The following ADAM9 variants were observed in gnomAD, a reference collection of about 807,000 sequenced individuals.
ADAM9 encodes ADAM metallopeptidase domain 9.
A neutral mutation model predicts 108.1 loss-of-function variants in ADAM9; 54 were observed. The ratio of observed to expected loss-of-function variants is 0.50; its 90% CI spans 0.40 to 0.63. The LOEUF (loss-of-function observed/expected upper bound fraction) is 0.63, where lower values mean the gene tolerates loss of function less well. Ranked by LOEUF, ADAM9 falls within the 20% of genes least tolerant of loss-of-function variation. ADAM9 has a pLI of 0.00. For synonymous variants in ADAM9, 316 were observed against 336.0 expected, an observed-to-expected ratio of 0.94 and a Z score of 0.65; for missense variants, 830 against 997.7, an observed-to-expected ratio of 0.83 and a Z score of 2.26.
At chr8:38,999,320 T>G (rs1367089964) in intron 1 of ADAM9, among the ~76,000 whole-genome samples, 1 of 115,228 alleles carries the variant, frequency 8.7e-6, no homozygotes, top group Non-Finnish European at 1.8e-5. Context: ...CAGCTAACTT[T>G]CAGTAAACTT....
rs535246542 is a variant in ADAM9 at position 39,006,633 on chromosome 8, T to C, written c.98-1253T>C. On this transcript the variant is annotated intron_variant, in intron 1 of 21. Transcript: ENST00000487273. ...AGAAAAAGAGGTTGTGTTGGACTTA[T>C]CGAGAGACTATGTATTGGACTCCCA... Among the ~76,000 whole-genome samples, 4 of 151,552 alleles carry C rather than the reference T, an allele frequency of 2.6e-5. No homozygotes were observed. The Admixed American group carries it at 2.6e-4, about 10-fold the overall frequency.
chr8:39,083,598 C>T (rs545532798), intron 18 of ADAM9, among the ~76,000 whole-genome samples: 9 of 152,176 alleles, frequency 5.9e-5, no homozygotes, highest in Non-Finnish European at 8.8e-5. Flanking sequence ...ATTGTTGGCC[C>T]TTGGCTAATT....
intron 4 of ADAM9, 151 bp downstream of exon 4, chr8:39,014,194 G>A (rs779347320): frequency 7.2e-6 from 5 of 694,642 alleles, no homozygotes; most frequent in Non-Finnish European, 1.3e-5. Context: ...GGAAAAGTGG[G>A]TGCATTTCTA....
At chr8:39,078,031 G>C (rs1056219873) in intron 16 of ADAM9, among the ~76,000 whole-genome samples, 6 of 152,122 alleles carry the variant, frequency 3.9e-5, no homozygotes, top group Admixed American at 6.6e-5. Flanking sequence ...GAGCAGGATT[G>C]TTGAGTAAGT....
At chr8:39,057,124 T>C (rs1020943283) in intron 14 of ADAM9, among the ~76,000 whole-genome samples, 1 of 152,116 alleles carries the variant, frequency 6.6e-6, no homozygotes, top group Non-Finnish European at 1.5e-5. Context: ...GTGTACAGAT[T>C]TGTAGCTTAG....
intron 20 of ADAM9, among the ~76,000 whole-genome samples, chr8:39,091,830 AG>A (rs1211721558): frequency 2.0e-5 from 3 of 152,298 alleles, no homozygotes; most frequent in Middle Eastern, 3.4e-3. Flanking sequence ...CTTGGCTCAG[AG>A]GACACAGAAA....
At chr8:39,042,247 T>A (rs1837477218) in intron 12 of ADAM9, 130 bp downstream of exon 12, 1 of 991,770 alleles carries the variant, frequency 1.0e-6, no homozygotes, top group African/African-American at 1.6e-5. Context: ...GATTGTTATT[T>A]TGTTTGTATG....
At chr8:38,999,757 C>T (rs1835938767) in intron 1 of ADAM9, among the ~76,000 whole-genome samples, 1 of 152,050 alleles carries the variant, frequency 6.6e-6, no homozygotes, top group Admixed American at 6.5e-5. Flanking sequence ...TTTAACTTAC[C>T]AAATTTATAT....
At chr8:39,033,469 A>AT (rs543717397) in intron 11 of ADAM9, among the ~76,000 whole-genome samples, 2,831 of 144,682 alleles carry the variant, frequency 0.02, 96 homozygotes, top group African/African-American at 0.066. Flanking sequence ...CCTTCCTCAC[A>AT]TTTTTTTTTT....
intron 11 of ADAM9, among the ~76,000 whole-genome samples, chr8:39,030,601 G>T (rs1445799138): frequency 6.6e-6 from 1 of 152,156 alleles, no homozygotes; most frequent in Non-Finnish European, 1.5e-5. Context: ...AGCTCCTTTG[G>T]GTGAATACCA....
intron 14 of ADAM9, 99 bp from the exon 15 acceptor site, chr8:39,071,199 G>T: frequency 9.2e-7 from 1 of 1,085,746 alleles, no homozygotes. Context: ...TATTGAGGCT[G>T]TTCATCCAGG....
intron 1 of ADAM9, among the ~76,000 whole-genome samples, chr8:39,001,572 A>C (rs1287647605): frequency 2.6e-5 from 4 of 152,242 alleles, no homozygotes; most frequent in African/African-American, 9.6e-5. Context: ...TTTCTTTTTA[A>C]ATGTAAAGAT....
rs886062923 is a variant in ADAM9, at chr8:39,017,314, A to C, written c.506A>C (p.Tyr169Ser). 6.2e-7 allele frequency: 1 copy of C among 1,614,170 alleles called. No homozygotes were observed. Among genetic ancestry groups the C allele is most frequent in the Non-Finnish European group, 8.5e-7 (1 of 1,180,028 alleles). ...EHIIYRMDDV[Y>S]KEPLKCGVSN... is the part of the protein sequence containing the mutation. ...ATCATTTATCGAATGGATGATGTCT[A>C]CAAAGAGCCTCTGAAATGTGGAGTT... Residue 169 changes from tyrosine to serine, a missense_variant, in exon 6 of 22, where the codon TAC (tyrosine) becomes TCC (serine). Coordinates refer to ENST00000487273, the MANE Select transcript of ADAM9 (RefSeq NM_003816.3).
In ADAM9 at chr8:39,026,724, A is replaced by C; in HGVS notation, c.1044A>C (p.Glu348Asp). 2 of 1,614,146 alleles carry C rather than the reference A, an allele frequency of 1.2e-6. No individual in the cohort carries two copies. The highest frequency in any genetic ancestry group is 1.7e-6 in the Non-Finnish European group (2 of 1,180,008). ...VETFASIVAHELGHNLGMNHD... is the reference protein window; with the variant it reads ...VETFASIVAHDLGHNLGMNHD... The stretch of plus-strand genomic sequence containing the variant: ...CATTTGCTTCCATTGTTGCTCATGA[A>C]TTGGGTCATAATCTTGGAATGAATC... The change falls in exon 11 of 22, where the codon GAA becomes GAC. Residue 348 changes from glutamate to aspartate, a missense_variant. Transcript: ENST00000487273.
intron 1 of ADAM9, among the ~76,000 whole-genome samples, chr8:39,007,189 G>A (rs1292781732): frequency 1.3e-5 from 2 of 152,302 alleles, no homozygotes; most frequent in Non-Finnish European, 2.9e-5. Context: ...GGAAGCAAGA[G>A]AGATGGGGGA....
intron 11 of ADAM9, among the ~76,000 whole-genome samples, chr8:39,029,880 T>TG (rs1837045013): frequency 6.6e-6 from 1 of 152,248 alleles, no homozygotes; most frequent in Non-Finnish European, 1.5e-5. Flanking sequence ...ATTAGGGTGA[T>TG]GCTGGGCTCA....
intron 7 of ADAM9, among the ~76,000 whole-genome samples, chr8:39,021,070 C>T (rs770840466): frequency 5.1e-4 from 77 of 152,178 alleles, no homozygotes; most frequent in Non-Finnish European, 1.0e-3. Flanking sequence ...GAAGATAATT[C>T]GTTTTAAAGT....
At chr8:39,063,534 C>T (rs1838360281) in intron 14 of ADAM9, among the ~76,000 whole-genome samples, 2 of 152,132 alleles carry the variant, frequency 1.3e-5, no homozygotes, top group East Asian at 1.9e-4. Context: ...CCAGCCTGGC[C>T]AACATGGCGA....
rs35778686 is a variant in ADAM9 at position 39,002,033 on chromosome 8, TAAAAAAAAA to T, written c.97+4885_97+4893del. 6.4e-5 allele frequency among the ~76,000 whole-genome samples: 7 copies of T among 108,590 alleles called. No individual in the cohort carries two copies. The East Asian group carries it at 1.6e-3, about 24-fold the overall frequency. 71.2% of individuals were successfully genotyped at this position (108,590 alleles called of 152,430 possible). The stretch of plus-strand genomic sequence containing the variant: ...TTGACCTGGCGAATACTAGAATGAT[TAAAAAAAAA>T]AAAAAAAAAAAGGCAAAAACTGCAA... On this transcript the variant is annotated intron_variant, in intron 1 of 21. Transcript: ENST00000487273.
Sources: gnomAD v4.1 joint callset for allele counts (sites outside exome capture counted in the v4.1 genomes callset) on GRCh38, gnomAD v4.1.1 for gene constraint, MANE v1.5 for transcripts, NCBI Gene and HGNC (gene_info 2026-07-23, HGNC 2026-07-21) for gene names.